The following SND1 variants were observed in gnomAD, a reference collection of about 807,000 sequenced individuals.
SND1 encodes staphylococcal nuclease and tudor domain containing 1.
SND1 carries 38 observed loss-of-function variants against 121.7 expected under a neutral mutation model. The ratio of observed to expected loss-of-function variants is 0.31; its 90% CI spans 0.24 to 0.41. The LOEUF (loss-of-function observed/expected upper bound fraction) is 0.41, where lower values mean the gene tolerates loss of function less well. Ranked by LOEUF, SND1 falls within the 10% of genes least tolerant of loss-of-function variation. The probability of loss-of-function intolerance (pLI) is 1.00; values close to 1 mark genes in which losing one functional copy is unlikely to be tolerated. For missense variants in SND1, 868 were observed against 1,184.6 expected (o/e 0.73, Z 3.92); for synonymous variants, 401 against 447.4 (o/e 0.90, Z 1.31).
At chr7:127,669,787 A>G (rs1477742732) in intron 1 of SND1, among the ~76,000 whole-genome samples, 1 of 152,190 alleles carries the variant, frequency 6.6e-6, no homozygotes, top group Non-Finnish European at 1.5e-5. Flanking sequence ...ATTTTGATCC[A>G]GACAGCCTGC....
At chr7:127,990,361 C>CT (rs1355105040) in intron 15 of SND1, among the ~76,000 whole-genome samples, 1 of 151,934 alleles carries the variant, frequency 6.6e-6, no homozygotes, top group Non-Finnish European at 1.5e-5. Context: ...AGGTGTTTTG[C>CT]TTTTTTTTCT....
At chr7:128,018,744 T>A (rs1245216668) in intron 16 of SND1, among the ~76,000 whole-genome samples, 1 of 152,180 alleles carries the variant, frequency 6.6e-6, no homozygotes, top group Non-Finnish European at 1.5e-5. Context: ...AGGGACTCCC[T>A]ACCCCCTACT....
At chr7:127,887,425 A>G (rs1380611452) in intron 12 of SND1, among the ~76,000 whole-genome samples, 1 of 152,164 alleles carries the variant, frequency 6.6e-6, no homozygotes, top group South Asian at 2.1e-4. Context: ...ACACTTCGTT[A>G]TGTAAAACCA....
intron 15 of SND1, 94 bp downstream of exon 15, chr7:127,929,423 G>C: frequency 8.0e-7 from 1 of 1,244,650 alleles, no homozygotes; most frequent in Non-Finnish European, 1.2e-6. Flanking sequence ...ATAGGCCCTA[G>C]AGCCCACCAG....
At chr7:127,688,004 G>T (rs533147498) in intron 2 of SND1, among the ~76,000 whole-genome samples, 3 of 152,166 alleles carry the variant, frequency 2.0e-5, no homozygotes, top group African/African-American at 7.2e-5. Context: ...TTCTTAATCT[G>T]GGATCCATGC....
intron 10 of SND1, among the ~76,000 whole-genome samples, chr7:127,767,504 G>A (rs1191574792): frequency 1.3e-5 from 2 of 152,208 alleles, no homozygotes; most frequent in Admixed American, 1.3e-4. Flanking sequence ...CCAGCAGGGA[G>A]TCTGTTTTGA....
chr7:128,010,075 T>G (rs950411427), intron 16 of SND1, among the ~76,000 whole-genome samples: 2 of 152,226 alleles, frequency 1.3e-5, no homozygotes, highest in African/African-American at 4.8e-5. Flanking sequence ...GTCTGACCCT[T>G]GAGTTTCCCA....
At chr7:127,685,715 A>C (rs1476417136) in intron 1 of SND1, among the ~76,000 whole-genome samples, 1 of 152,274 alleles carries the variant, frequency 6.6e-6, no homozygotes, top group African/African-American at 2.4e-5. Flanking sequence ...TGGGAGCCTT[A>C]AGGTGTTTAT....
intron 11 of SND1, among the ~76,000 whole-genome samples, chr7:127,829,120 G>A (rs1354333385): frequency 2.0e-5 from 3 of 152,154 alleles, no homozygotes; most frequent in Admixed American, 6.5e-5. Context: ...CTTAAAACCC[G>A]AATTACAGTC....
intron 10 of SND1, among the ~76,000 whole-genome samples, chr7:127,785,053 G>T (rs776144763): frequency 6.6e-6 from 1 of 152,166 alleles, no homozygotes; most frequent in Non-Finnish European, 1.5e-5. Context: ...CTCCCAAGTA[G>T]CTGGGACTAC....
At chr7:127,824,607 C>T (rs1798609657) in intron 11 of SND1, among the ~76,000 whole-genome samples, 1 of 152,144 alleles carries the variant, frequency 6.6e-6, no homozygotes, top group South Asian at 2.1e-4. Flanking sequence ...CTTTTCTTCT[C>T]TTCCGTCACT....
In SND1 at chr7:127,672,099, A is replaced by C. The variant is rs184999502; in HGVS notation, c.79-14514A>C. ...TGAGAGTATTGATTTGGGGGTTACAAATATATTATAGTGAGTAGGCAAATT... is the reference window on the plus strand; with the variant it reads ...TGAGAGTATTGATTTGGGGGTTACACATATATTATAGTGAGTAGGCAAATT... On this transcript the variant is annotated intron_variant, in intron 1 of 23. Coordinates refer to ENST00000354725, the MANE Select transcript of SND1 (RefSeq NM_014390.4). 1.2e-4 allele frequency among the ~76,000 whole-genome samples: 18 copies of C among 152,286 alleles called. No individual in the cohort carries two copies. The East Asian group carries it at 3.5e-3, about 29-fold the overall frequency.
At chr7:127,705,996 C>G (rs1796187115) in intron 8 of SND1, among the ~76,000 whole-genome samples, 2 of 152,060 alleles carry the variant, frequency 1.3e-5, no homozygotes, top group African/African-American at 4.8e-5. Context: ...AGATATTAAT[C>G]TAGGCCATTT....
At chr7:127,792,583 T>A (rs756957825) in intron 10 of SND1, among the ~76,000 whole-genome samples, 13 of 152,150 alleles carry the variant, frequency 8.5e-5, no homozygotes, top group Non-Finnish European at 1.5e-4. Context: ...GTTGGGGGAA[T>A]AAGAAAAGAA....
intron 1 of SND1, among the ~76,000 whole-genome samples, chr7:127,680,748 G>A (rs1234733102): frequency 6.7e-6 from 1 of 149,962 alleles, no homozygotes; most frequent in Non-Finnish European, 1.5e-5. Flanking sequence ...GGGTTCTGAG[G>A]CGACATACAT....
At chr7:127,683,993 C>T (rs1025374848) in intron 1 of SND1, among the ~76,000 whole-genome samples, 18 of 152,154 alleles carry the variant, frequency 1.2e-4, no homozygotes, top group African/African-American at 4.1e-4. Context: ...TTTGCCAAAG[C>T]CATTAATGGG....
In SND1 at chr7:128,076,417, C is replaced by A. The variant is rs575986363; in HGVS notation, c.1968+1727C>A. On this transcript the variant is annotated intron_variant, in intron 17 of 23. Coordinates refer to ENST00000354725, the MANE Select transcript of SND1 (RefSeq NM_014390.4). Reference sequence around the variant, plus strand: ...GCACAACTCTCAGTGCTAGGGCCTGCCGCCTCCTGGGTCCCTCTCCTGCAA... The same window carrying A: ...GCACAACTCTCAGTGCTAGGGCCTGACGCCTCCTGGGTCCCTCTCCTGCAA... Among the ~76,000 whole-genome samples, 27 of 152,314 alleles carry A rather than the reference C, an allele frequency of 1.8e-4. No individual in the cohort carries two copies. In the South Asian group the frequency reaches 5.4e-3, roughly 30 times the overall value.
intron 15 of SND1, among the ~76,000 whole-genome samples, chr7:127,971,856 T>C (rs1162893266): frequency 6.7e-6 from 1 of 148,990 alleles, no homozygotes; most frequent in Admixed American, 6.8e-5. Flanking sequence ...CACTGCAACC[T>C]CTGCCTCCTG....
rs149413214 is a variant in SND1 at position 128,029,324 on chromosome 7, G to A, written c.1779+38268G>A. 90 of 1,614,072 alleles carry A rather than the reference G, an allele frequency of 5.6e-5. No homozygotes were observed. The South Asian group carries it at 8.3e-4, about 15-fold the overall frequency. On this transcript the variant is annotated intron_variant, in intron 16 of 23. Transcript: ENST00000354725. The surrounding 1 kb of genome is among the most constrained non-coding windows in gnomAD (Gnocchi z 4.2). The stretch of plus-strand genomic sequence containing the variant: ...TGTTAAGCTCAGCCGTGCTCACATT[G>A]AGGTAGGCCGAGGCGTTGGAGTTGC...
Sources: gnomAD v4.1 joint callset for allele counts (sites outside exome capture counted in the v4.1 genomes callset) on GRCh38, gnomAD v4.1.1 for gene constraint, Gnocchi (gnomAD v3.1) non-coding constraint, MANE v1.5 for transcripts, NCBI Gene and HGNC (gene_info 2026-07-23, HGNC 2026-07-21) for gene names.